The following IL1RAPL1 variants were observed in gnomAD, a reference collection of about 807,000 sequenced individuals.
The protein encoded by IL1RAPL1 is interleukin-1 receptor accessory protein-like 1.
Under a neutral mutation model 48.4 loss-of-function variants are expected in IL1RAPL1, and 3 were observed. The ratio of observed to expected loss-of-function variants is 0.06; its 90% CI spans 0.03 to 0.16. The LOEUF is 0.16. IL1RAPL1 is among the 10% of genes least tolerant of loss of function. The probability of loss-of-function intolerance (pLI) is 1.00; values close to 1 mark genes in which losing one functional copy is unlikely to be tolerated. For missense variants in IL1RAPL1, 349 were observed against 530.6 expected, an observed-to-expected ratio of 0.66 and a Z score of 3.36; for synonymous variants, 185 against 187.7, an observed-to-expected ratio of 0.99 and a Z score of 0.12.
intron 5 of IL1RAPL1, among the ~76,000 whole-genome samples, chrX:29,471,977 G>GCTAC (rs1226428903): frequency 1.8e-5 from 2 of 111,411 alleles, no homozygotes; most frequent in Admixed American, 9.6e-5. Context: ...TCATTTTGAG[G>GCTAC]CTACTATGAA....
At chrX:29,337,265 A>G (rs763642002) in intron 3 of IL1RAPL1, among the ~76,000 whole-genome samples, 6 of 112,282 alleles carry the variant, frequency 5.3e-5, no homozygotes, top group Non-Finnish European at 1.1e-4. Context: ...CAAAATATAG[A>G]CTAGTATAGA....
intron 2 of IL1RAPL1, among the ~76,000 whole-genome samples, chrX:28,873,657 A>C (rs186000899): frequency 2.9e-5 from 3 of 104,233 alleles, no homozygotes; most frequent in Non-Finnish European, 3.9e-5. Context: ...TCAGCCTCCC[A>C]AGTAGCTGGG....
intron 2 of IL1RAPL1, among the ~76,000 whole-genome samples, chrX:29,273,262 T>C (rs190959309): frequency 3.7e-4 from 42 of 112,073 alleles, no homozygotes; most frequent in African/African-American, 1.3e-3. Flanking sequence ...TCTGTGTGGG[T>C]TGACGTTCCT....
chrX:29,790,925 C>T (rs774408127), intron 6 of IL1RAPL1, among the ~76,000 whole-genome samples: 21 of 111,893 alleles, frequency 1.9e-4, no homozygotes, highest in African/African-American at 6.5e-4. Flanking sequence ...TATAACTGGA[C>T]CTTGCTTCTT....
intron 6 of IL1RAPL1, among the ~76,000 whole-genome samples, chrX:29,910,996 T>C (rs142711731): frequency 9.0e-6 from 1 of 111,547 alleles, no homozygotes; most frequent in Non-Finnish European, 1.9e-5. Flanking sequence ...GATTCTCTTA[T>C]GGCCTAGCAA....
intron 1 of IL1RAPL1, among the ~76,000 whole-genome samples, chrX:28,597,215 G>A (rs933935600): frequency 1.2e-4 from 13 of 111,432 alleles, no homozygotes; most frequent in Non-Finnish European, 1.7e-4. Context: ...TATTGCATGA[G>A]CTTAAGGAAA....
chrX:29,013,975 G>A (rs754644134), intron 2 of IL1RAPL1, among the ~76,000 whole-genome samples: 46 of 111,821 alleles, frequency 4.1e-4, no homozygotes, highest in African/African-American at 1.3e-3. Context: ...TTTCTGGAGG[G>A]CCAAAGAACA....
At chrX:29,254,078 G>C (rs965301348) in intron 2 of IL1RAPL1, among the ~76,000 whole-genome samples, 11 of 111,373 alleles carry the variant, frequency 9.9e-5, no homozygotes, top group Admixed American at 4.8e-4. Flanking sequence ...GATATAAAAG[G>C]GCAGAAGTGG....
At chrX:28,942,286 A>C (rs1449115798) in intron 2 of IL1RAPL1, 1 of 109,433 alleles carries the variant, frequency 9.1e-6, no homozygotes, top group Non-Finnish European at 1.9e-5. Flanking sequence ...CTTGTTTATA[A>C]AAAATGCAAT....
chrX:28,990,569 A>G (rs757649407), intron 2 of IL1RAPL1, among the ~76,000 whole-genome samples: 6 of 111,775 alleles, frequency 5.4e-5, no homozygotes, highest in Non-Finnish European at 1.1e-4. Flanking sequence ...TTGACCTATA[A>G]CTAAGAATGA....
At chrX:29,312,653 T>C (rs1490893443) in intron 3 of IL1RAPL1, among the ~76,000 whole-genome samples, 1 of 111,643 alleles carries the variant, frequency 9.0e-6, no homozygotes, top group East Asian at 2.8e-4. Flanking sequence ...CCCCAACCAC[T>C]TTTTCCTGTT....
intron 5 of IL1RAPL1, among the ~76,000 whole-genome samples, chrX:29,576,237 T>C (rs1205316677): frequency 8.9e-6 from 1 of 111,951 alleles, no homozygotes; most frequent in East Asian, 2.8e-4. Context: ...TGTAATCTTC[T>C]TTTTTAACAC....
At chrX:28,961,036 A>AAAAAAG (rs1924761309) in intron 2 of IL1RAPL1, among the ~76,000 whole-genome samples, 8 of 106,128 alleles carry the variant, frequency 7.5e-5, no homozygotes, top group Non-Finnish European at 1.4e-4. Context: ...AAAAAAAAAA[A>AAAAAAG]GTGTGGGTAA....
At chrX:29,222,256 CT>C (rs1233329457) in intron 2 of IL1RAPL1, among the ~76,000 whole-genome samples, 1 of 111,725 alleles carries the variant, frequency 9.0e-6, no homozygotes, top group Non-Finnish European at 1.9e-5. Flanking sequence ...AAAATTAACA[CT>C]TATTGTGAGG....
intron 1 of IL1RAPL1, among the ~76,000 whole-genome samples, chrX:28,767,252 C>T (rs976729941): frequency 9.0e-6 from 1 of 110,935 alleles, no homozygotes; most frequent in Non-Finnish European, 1.9e-5. Context: ...TTAGATGATA[C>T]CTCATTGTAG....
chrX:29,923,034 C>T (rs1369302859), intron 8 of IL1RAPL1, among the ~76,000 whole-genome samples: 3 of 112,047 alleles, frequency 2.7e-5, no homozygotes, highest in Admixed American at 9.5e-5. Context: ...TTTTCCTTCA[C>T]TGTTACCTTT....
At chrX:29,258,598 G>GC (rs1555982476) in intron 2 of IL1RAPL1, among the ~76,000 whole-genome samples, 171 of 103,572 alleles carry the variant, frequency 1.7e-3, no homozygotes, top group Non-Finnish European at 2.8e-3. Flanking sequence ...TTATTATTTA[G>GC]TTTTTTTTTT....
chrX:28,649,614 A>C (rs1221645755), intron 1 of IL1RAPL1, among the ~76,000 whole-genome samples: 3 of 112,436 alleles, frequency 2.7e-5, no homozygotes, highest in Admixed American at 1.9e-4. Context: ...ACTTATTTGC[A>C]TCTCTGGAAA....
intron 5 of IL1RAPL1, among the ~76,000 whole-genome samples, chrX:29,432,793 A>G (rs1008928042): frequency 6.3e-5 from 7 of 111,623 alleles, no homozygotes; most frequent in African/African-American, 1.9e-4. Flanking sequence ...TTCTCCTTCT[A>G]CTTTTATCAT....
Sources: allele counts gnomAD v4.1 joint callset (sites outside exome capture counted in the v4.1 genomes callset), GRCh38; gene constraint gnomAD v4.1.1; transcripts MANE v1.5; gene names NCBI Gene and HGNC (gene_info 2026-07-23, HGNC 2026-07-21).